AP3B1: variants seen among roughly 807,000 people sequenced by gnomAD.
AP3B1 encodes the protein AP-3 complex subunit beta-1.
A neutral mutation model predicts 132.5 loss-of-function variants in AP3B1; 61 were observed. The ratio of observed to expected loss-of-function variants is 0.46; its 90% CI spans 0.37 to 0.57. The LOEUF is 0.57. Among genes scored for constraint, AP3B1 ranks in the 20% least tolerant of loss-of-function variants. The pLI is 0.00. For missense variants in AP3B1, 1,120 were observed against 1,289.4 expected (o/e 0.87, Z 2.01); for synonymous variants, 388 against 438.3 (o/e 0.89, Z 1.43).
chr5:78,245,636 G>A (rs879535398), intron 2 of AP3B1, among the ~76,000 whole-genome samples: 6 of 152,114 alleles, frequency 3.9e-5, no homozygotes, highest in African/African-American at 9.7e-5. Flanking sequence ...GTTTGAAAGC[G>A]GGCAGTCCTT....
intron 14 of AP3B1, among the ~76,000 whole-genome samples, chr5:78,146,125 T>C (rs1753379136): frequency 6.6e-6 from 1 of 152,168 alleles, no homozygotes; most frequent in Admixed American, 6.5e-5. Context: ...CGTTTAGGAG[T>C]TATCAGGTAC....
intron 22 of AP3B1, among the ~76,000 whole-genome samples, chr5:78,050,942 CAAT>C (rs1450578541): frequency 6.6e-6 from 1 of 152,016 alleles, no homozygotes; most frequent in African/African-American, 2.4e-5. Flanking sequence ...CATCCAGTAA[CAAT>C]GAGATAATCC....
chr5:78,126,077 T>C (rs558988308), intron 17 of AP3B1, among the ~76,000 whole-genome samples: 1 of 149,448 alleles, frequency 6.7e-6, no homozygotes, highest in Admixed American at 6.7e-5. Context: ...AAACATCATG[T>C]ACCCCATAAT....
chr5:78,060,913 T>C (rs1749023936), intron 22 of AP3B1, among the ~76,000 whole-genome samples: 2 of 152,164 alleles, frequency 1.3e-5, no homozygotes, highest in African/African-American at 2.4e-5. Context: ...TACCCAAATT[T>C]TTCTTGGAGG....
At chr5:78,159,393 A>T (rs78944778) in intron 13 of AP3B1, among the ~76,000 whole-genome samples, 3 of 152,192 alleles carry the variant, frequency 2.0e-5, no homozygotes, top group African/African-American at 7.2e-5. Flanking sequence ...ATCATTGTAC[A>T]GTTCTAAAGT....
At chr5:78,269,340 G>A (rs1198755171) in intron 1 of AP3B1, among the ~76,000 whole-genome samples, 3 of 152,070 alleles carry the variant, frequency 2.0e-5, no homozygotes, top group Non-Finnish European at 4.4e-5. Context: ...GGTGTTAAAT[G>A]GTATAACTTT....
Position 78,108,607 on chromosome 5 carries a change from G to C in AP3B1, c.2397+1600C>G, listed in dbSNP as rs984278544. Reference sequence around the variant, plus strand: ...TGAGCGAAACCCGAATTTCTCAAAGGCCTTGGTTCACTGCAATAGTTTGAG... The same window carrying C: ...TGAGCGAAACCCGAATTTCTCAAAGCCCTTGGTTCACTGCAATAGTTTGAG... On this transcript the variant is annotated intron_variant, in intron 20 of 26. Coordinates refer to ENST00000255194, the MANE Select transcript of AP3B1 (RefSeq NM_003664.5). Among the ~76,000 whole-genome samples the C allele has an allele frequency of 5.3e-5, 8 of 152,228 alleles. No homozygotes were observed. The East Asian group carries it at 1.3e-3, about 26-fold the overall frequency.
chr5:78,287,194 C>A (rs1312922754), intron 1 of AP3B1, among the ~76,000 whole-genome samples: 3 of 152,146 alleles, frequency 2.0e-5, no homozygotes, highest in African/African-American at 7.2e-5. Flanking sequence ...CATAAAATCT[C>A]ACATCTTATG....
intron 22 of AP3B1, among the ~76,000 whole-genome samples, chr5:78,081,627 A>G (rs1312807443): frequency 1.3e-5 from 2 of 152,092 alleles, no homozygotes; most frequent in East Asian, 3.9e-4. Flanking sequence ...CGTGTGAATT[A>G]CTGTAACACT....
chr5:78,121,572 C>A (rs569474269), intron 17 of AP3B1: 2 of 152,136 alleles, frequency 1.3e-5, no homozygotes, highest in African/African-American at 2.4e-5. Flanking sequence ...AACATCTCTA[C>A]GCAAATAAAC....
intron 23 of AP3B1, 74 bp from the exon 24 acceptor site, chr5:78,034,519 A>G (rs947720530): frequency 6.9e-6 from 8 of 1,158,274 alleles, no homozygotes; most frequent in Non-Finnish European, 1.0e-5. Flanking sequence ...CTGAAAATTT[A>G]GGTAATGTTT....
intron 1 of AP3B1, among the ~76,000 whole-genome samples, chr5:78,285,196 T>C (rs955081021): frequency 2.7e-5 from 4 of 149,488 alleles, no homozygotes; most frequent in Non-Finnish European, 4.4e-5. Flanking sequence ...TTGCAGTGAG[T>C]CGAGATCACG....
chr5:78,245,179 T>C (rs1043765176), intron 2 of AP3B1, among the ~76,000 whole-genome samples: 4 of 152,180 alleles, frequency 2.6e-5, no homozygotes, highest in South Asian at 2.1e-4. Flanking sequence ...CTCCACACTA[T>C]TTATTGAGTA....
chr5:78,097,059 GTT>G (rs1561403633), intron 21 of AP3B1, among the ~76,000 whole-genome samples: 3,171 of 121,834 alleles, frequency 0.026, 109 homozygotes, highest in Non-Finnish European at 0.037. Context: ...CGGGAGGGAG[GTT>G]GGGGGGTCAG....
At chr5:78,137,945 G>T (rs1019732673) in intron 15 of AP3B1, among the ~76,000 whole-genome samples, 1 of 151,486 alleles carries the variant, frequency 6.6e-6, no homozygotes, top group East Asian at 1.9e-4. Context: ...TAGGCCACCG[G>T]GAATTCAGAT....
At chr5:78,075,925 G>A (rs1749748394) in intron 22 of AP3B1, among the ~76,000 whole-genome samples, 1 of 152,244 alleles carries the variant, frequency 6.6e-6, no homozygotes, top group Non-Finnish European at 1.5e-5. Context: ...AAACGGCGAA[G>A]AGTACGGACT....
intron 8 of AP3B1, among the ~76,000 whole-genome samples, chr5:78,180,274 C>T (rs1240904874): frequency 6.6e-6 from 1 of 151,986 alleles, no homozygotes; most frequent in Admixed American, 6.6e-5. Context: ...TCTCAAGAAT[C>T]AATTCATTAA....
intron 2 of AP3B1, among the ~76,000 whole-genome samples, chr5:78,265,298 C>A (rs981441660): frequency 6.6e-6 from 1 of 151,836 alleles, no homozygotes; most frequent in Non-Finnish European, 1.5e-5. Context: ...AAAAAATTAG[C>A]TGGGCATAGT....
intron 24 of AP3B1, among the ~76,000 whole-genome samples, chr5:78,022,504 G>A (rs1253147228): frequency 6.6e-6 from 1 of 152,142 alleles, no homozygotes; most frequent in African/African-American, 2.4e-5. Flanking sequence ...GTCCTCCCAG[G>A]AATAGTCCCA....
Sources: allele counts gnomAD v4.1 joint callset (sites outside exome capture counted in the v4.1 genomes callset), GRCh38; gene constraint gnomAD v4.1.1; transcripts MANE v1.5; gene names NCBI Gene and HGNC (gene_info 2026-07-23, HGNC 2026-07-21).